Variants in C1GALT1 observed in about 807,000 individuals in gnomAD.
The protein encoded by C1GALT1 is glycoprotein-N-acetylgalactosamine 3-beta-galactosyltransferase 1.
Under a neutral mutation model 31.0 loss-of-function variants are expected in C1GALT1, and 11 were observed. The ratio of observed to expected loss-of-function variants is 0.36; its 90% CI spans 0.22 to 0.59. The LOEUF is 0.59. C1GALT1 is among the 20% of genes least tolerant of loss of function. The pLI is 0.79. For missense variants in C1GALT1, 424 were observed against 425.2 expected, an observed-to-expected ratio of 1.00 and a Z score of 0.03; for synonymous variants, 175 against 143.6, an observed-to-expected ratio of 1.22 and a Z score of -1.56.
intron 1 of C1GALT1, among the ~76,000 whole-genome samples, chr7:7,204,824 G>T (rs6969492): frequency 0.039 from 5,937 of 152,024 alleles, 265 homozygotes; most frequent in African/African-American, 0.11. Flanking sequence ...TGATTTCCAC[G>T]CATTTGTGAA....
intron 1 of C1GALT1, among the ~76,000 whole-genome samples, chr7:7,201,004 C>T (rs374668576): frequency 2.6e-5 from 4 of 152,238 alleles, no homozygotes; most frequent in Non-Finnish European, 4.4e-5. Flanking sequence ...TCTCTCAACT[C>T]GTCAAAGTCA....
rs114657569 is a variant in C1GALT1, at chr7:7,200,523, C to T, written c.-18+17703C>T. 3.8e-3 allele frequency among the ~76,000 whole-genome samples: 582 copies of T among 152,146 alleles called. 6 individuals carry two copies. Among genetic ancestry groups the T allele is most frequent in the African/African-American group, 0.013 (556 of 41,492 alleles). On this transcript the variant is annotated intron_variant, in intron 1 of 3. Transcript: ENST00000436587. ...ATCTTTGTGGCATTCTCTGTATTACCAGAATTTGAATGTTGGCCTGCCTCG... is the reference window on the plus strand; with the variant it reads ...ATCTTTGTGGCATTCTCTGTATTACTAGAATTTGAATGTTGGCCTGCCTCG...
At chr7:7,176,935 T>G (rs11761684) in intron 2 of C1GALT1, among the ~76,000 whole-genome samples, 18,013 of 152,202 alleles carry the variant, frequency 0.12, 1,106 homozygotes, top group East Asian at 0.21. Flanking sequence ...GATCTTTGTT[T>G]CCTGGTGTCC....
intron 2 of C1GALT1, among the ~76,000 whole-genome samples, chr7:7,166,338 A>G (rs1432198640): frequency 1.3e-5 from 2 of 152,236 alleles, no homozygotes; most frequent in Non-Finnish European, 2.9e-5. Flanking sequence ...GTAATAAACT[A>G]TTGATAAACA....
intron 1 of C1GALT1, among the ~76,000 whole-genome samples, chr7:7,203,699 A>G (rs1032396294): frequency 6.6e-6 from 1 of 152,082 alleles, no homozygotes; most frequent in Non-Finnish European, 1.5e-5. Flanking sequence ...ATTTCTAAAA[A>G]TAATTTTAAT....
chr7:7,164,430 T>C (rs1419688704), intron 2 of C1GALT1, among the ~76,000 whole-genome samples: 4 of 152,110 alleles, frequency 2.6e-5, no homozygotes, highest in Non-Finnish European at 4.4e-5. Flanking sequence ...GAGCTTGGAT[T>C]TCAGGAGGAT....
At chr7:7,228,629 C>T (rs571064369) in intron 1 of C1GALT1, among the ~76,000 whole-genome samples, 27 of 151,882 alleles carry the variant, frequency 1.8e-4, no homozygotes, top group Admixed American at 1.7e-3. Context: ...TGGGAGTTTA[C>T]AGTTATTTAG....
At chr7:7,171,460 T>C (rs766642873) in intron 2 of C1GALT1, among the ~76,000 whole-genome samples, 2 of 152,292 alleles carry the variant, frequency 1.3e-5, no homozygotes, top group Non-Finnish European at 2.9e-5. Context: ...ATGTAATATC[T>C]TTTCCATTCT....
chr7:7,167,242 G>C (rs891961615), intron 2 of C1GALT1, among the ~76,000 whole-genome samples: 1 of 152,174 alleles, frequency 6.6e-6, no homozygotes, highest in Non-Finnish European at 1.5e-5. Flanking sequence ...CAGATAAATT[G>C]AGAGCAACAG....
intron 1 of C1GALT1, among the ~76,000 whole-genome samples, chr7:7,231,579 G>A (rs1314290418): frequency 1.3e-5 from 2 of 151,928 alleles, no homozygotes; most frequent in Non-Finnish European, 2.9e-5. Context: ...TTCTTCAGCT[G>A]TGACTATTCT....
chr7:7,200,776 A>G (rs1228138921), intron 1 of C1GALT1, among the ~76,000 whole-genome samples: 3 of 151,972 alleles, frequency 2.0e-5, no homozygotes, highest in Non-Finnish European at 4.4e-5. Flanking sequence ...TCTTTCTTCC[A>G]CCTGATCAAT....
At chr7:7,165,237 G>A (rs1353505599) in intron 2 of C1GALT1, among the ~76,000 whole-genome samples, 1 of 152,160 alleles carries the variant, frequency 6.6e-6, no homozygotes, top group Non-Finnish European at 1.5e-5. Context: ...TGTGTTAGAA[G>A]ATGGTGATCC....
At chr7:7,181,066 A>C (rs114849454), upstream of C1GALT1, among the ~76,000 whole-genome samples, 3,082 of 152,274 alleles carry the variant, frequency 0.02, 93 homozygotes, top group African/African-American at 0.07. Flanking sequence ...AAAAAGTGTT[A>C]TTCTTTATTA....
chr7:7,158,515 A>G (rs1032758703), intron 2 of C1GALT1, among the ~76,000 whole-genome samples: 26 of 151,850 alleles, frequency 1.7e-4, no homozygotes, highest in Non-Finnish European at 3.8e-4. Flanking sequence ...CCTATATAAC[A>G]TAGCTATTGT....
intron 2 of C1GALT1, among the ~76,000 whole-genome samples, chr7:7,171,109 T>C (rs1780449127): frequency 2.6e-5 from 3 of 116,168 alleles, no homozygotes; most frequent in Admixed American, 2.2e-4. Context: ...ATGTTCTATA[T>C]ACACATGTTA....
intron 1 of C1GALT1, among the ~76,000 whole-genome samples, chr7:7,224,876 AAGTGTATTT>A (rs1782682890): frequency 6.7e-6 from 1 of 150,084 alleles, no homozygotes; most frequent in Non-Finnish European, 1.5e-5. Context: ...TAAGTGTATT[AAGTGTATTT>A]AAGTGTATTA....
At chr7:7,177,564 G>A (rs999607597), upstream of C1GALT1, among the ~76,000 whole-genome samples, 5 of 152,144 alleles carry the variant, frequency 3.3e-5, no homozygotes, top group Admixed American at 6.6e-5. Context: ...TGATAATTAT[G>A]CATTCTTTTA....
intron 1 of C1GALT1, among the ~76,000 whole-genome samples, chr7:7,200,579 C>A (rs963651651): frequency 2.0e-5 from 3 of 152,118 alleles, no homozygotes; most frequent in Admixed American, 6.6e-5. Context: ...TGGATTATAT[C>A]CTGAAGAGTG....
At chr7:7,192,263 C>T (rs1171888586) in intron 1 of C1GALT1, among the ~76,000 whole-genome samples, 1 of 151,862 alleles carries the variant, frequency 6.6e-6, no homozygotes, top group Non-Finnish European at 1.5e-5. Flanking sequence ...GTACACAGTA[C>T]CCAATGTGTA....
Sources: gnomAD v4.1 joint callset for allele counts (sites outside exome capture counted in the v4.1 genomes callset) on GRCh38, gnomAD v4.1.1 for gene constraint, MANE v1.5 for transcripts, NCBI Gene and HGNC (gene_info 2026-07-23, HGNC 2026-07-21) for gene names.